Variants in SH3RF2 observed in about 807,000 individuals in gnomAD.
SH3RF2 encodes E3 ubiquitin-protein ligase SH3RF2.
In SH3RF2, 43 loss-of-function variants were observed where a neutral mutation model predicts 59.0. That is an observed-to-expected ratio of 0.73 (90% confidence interval 0.57 to 0.94). SH3RF2 has a LOEUF of 0.94. SH3RF2 is among the 40% of genes least tolerant of loss of function. The probability of loss-of-function intolerance (pLI) is 0.00; values close to 1 mark genes in which losing one functional copy is unlikely to be tolerated. For synonymous variants in SH3RF2, 391 were observed against 391.5 expected, an observed-to-expected ratio of 1.00 and a Z score of 0.01; for missense variants, 930 against 940.1, an observed-to-expected ratio of 0.99 and a Z score of 0.14.
chr5:145,970,514 T>C (rs1379975003), intron 2 of SH3RF2, among the ~76,000 whole-genome samples: 1 of 152,226 alleles, frequency 6.6e-6, no homozygotes, highest in Non-Finnish European at 1.5e-5. Flanking sequence ...CTTTATCCAG[T>C]CATTGGTTGA....
intron 2 of SH3RF2, among the ~76,000 whole-genome samples, chr5:145,998,976 T>C (rs1289649467): frequency 6.6e-6 from 1 of 152,124 alleles, no homozygotes; most frequent in Non-Finnish European, 1.5e-5. Flanking sequence ...TGCAATAGCA[T>C]TATGCCTAAA....
chr5:145,995,289 A>C (rs184931773), intron 2 of SH3RF2, among the ~76,000 whole-genome samples: 75 of 152,354 alleles, frequency 4.9e-4, no homozygotes, highest in African/African-American at 1.7e-3. Context: ...TAATCACCAG[A>C]AAGGCTAAAA....
intron 4 of SH3RF2, among the ~76,000 whole-genome samples, chr5:146,004,380 T>G (rs923154991): frequency 6.6e-6 from 1 of 152,238 alleles, no homozygotes; most frequent in African/African-American, 2.4e-5. Flanking sequence ...ATCTCTCATA[T>G]GCAAACTCAA....
rs17212359 is a variant in SH3RF2, at chr5:146,063,009, C to T, written c.*308C>T. ...ATGGAGTATGTGGCCTCTTGTCATC[C>T]CCGTGTTACTGTGTAGAATTTCTAT... On this transcript the variant is annotated 3_prime_UTR_variant, in exon 10 of 10. Transcript: ENST00000359120. 125,503 of 377,426 alleles carry T rather than the reference C, an allele frequency of 0.33. 22,958 individuals are homozygous for T. The highest frequency in any genetic ancestry group is 0.39 in the Non-Finnish European group (80,520 of 207,228). The allele number at this position is 377,426 out of a possible 1,614,324, so 23.4% of individuals were successfully genotyped here.
intron 7 of SH3RF2, among the ~76,000 whole-genome samples, chr5:146,050,998 G>A (rs1762476697): frequency 6.6e-6 from 1 of 152,230 alleles, no homozygotes; most frequent in African/African-American, 2.4e-5. Flanking sequence ...ACTTTGGGAG[G>A]CTGAGGTGGG....
chr5:145,956,370 G>A (rs1456661887), intron 2 of SH3RF2, among the ~76,000 whole-genome samples: 1 of 152,148 alleles, frequency 6.6e-6, no homozygotes, highest in Non-Finnish European at 1.5e-5. Flanking sequence ...CCACCTCCCA[G>A]GTTCAAGCAA....
rs1349260319 is a variant in SH3RF2 at position 146,062,694 on chromosome 5, G to A, written c.2183G>A (p.Ser728Asn). The change falls in exon 10 of 10, where the codon AGC becomes AAC. Residue 728 changes from serine (S) to asparagine (N), a missense_variant. Transcript: ENST00000359120. ...TASGTQTVFP[S>N]K ...TCAGGCACGCAGACCGTGTTTCCCAGCAAATGAACCTACGGGTGGCTTTTC... is the reference window on the plus strand; with the variant it reads ...TCAGGCACGCAGACCGTGTTTCCCAACAAATGAACCTACGGGTGGCTTTTC... 3 of 1,612,398 alleles carry A rather than the reference G, an allele frequency of 1.9e-6. No homozygotes were observed. Among genetic ancestry groups the A allele is most frequent in the Middle Eastern group, 3.3e-4 (2 of 6,056 alleles).
downstream of SH3RF2, among the ~76,000 whole-genome samples, chr5:146,064,778 AGGAAGGAAGGAAGGAAGGAAG>A (rs1763041148): frequency 5.7e-4 from 6 of 10,534 alleles, no homozygotes; most frequent in African/African-American, 1.6e-3. Context: ...AAGGAAGGAA[AGGAAGGAAGGAAGGAAGGAAG>A]GAAGGAAGGA....
chr5:146,019,555 AT>A (rs1761231262), intron 5 of SH3RF2, among the ~76,000 whole-genome samples: 1 of 151,536 alleles, frequency 6.6e-6, no homozygotes. Flanking sequence ...ATGCCTCCAG[AT>A]TTTTTCTTTT....
chr5:146,009,362 C>T (rs1266911445), intron 4 of SH3RF2, among the ~76,000 whole-genome samples: 4 of 152,150 alleles, frequency 2.6e-5, no homozygotes, highest in African/African-American at 9.7e-5. Context: ...TTATCACCTT[C>T]TCCTTACATG....
At chr5:146,039,381 AG>A (rs1354808678) in intron 5 of SH3RF2, among the ~76,000 whole-genome samples, 1 of 152,188 alleles carries the variant, frequency 6.6e-6, no homozygotes, top group Non-Finnish European at 1.5e-5. Context: ...CCAATATATT[AG>A]AACTCCATAA....
exon 10 of SH3RF2, chr5:146,079,736 C>A (rs1490916467): frequency 2.9e-4 from 44 of 152,214 alleles, no homozygotes; most frequent in Admixed American, 2.9e-3. Flanking sequence ...GACTTCTTAG[C>A]CACACCCTTG....
intron 4 of SH3RF2, among the ~76,000 whole-genome samples, chr5:146,012,760 A>G (rs1318809781): frequency 6.6e-6 from 1 of 152,152 alleles, no homozygotes; most frequent in African/African-American, 2.4e-5. Context: ...GCTGTCAGTG[A>G]GTAGGGTACT....
At chr5:146,064,693 A>AG (rs1491474572), downstream of SH3RF2, among the ~76,000 whole-genome samples, 1 of 6,174 alleles carries the variant, frequency 1.6e-4, no homozygotes, top group Non-Finnish European at 4.6e-4. Context: ...AAAGAAAGAA[A>AG]GAAAGAAAGA....
intron 2 of SH3RF2, among the ~76,000 whole-genome samples, chr5:145,953,981 T>C (rs1162257674): frequency 6.6e-6 from 1 of 152,244 alleles, no homozygotes; most frequent in Non-Finnish European, 1.5e-5. Context: ...AGATTGATTC[T>C]ATGCCTTTGC....
intron 2 of SH3RF2, among the ~76,000 whole-genome samples, chr5:145,947,866 C>A (rs962417279): frequency 2.0e-5 from 3 of 152,122 alleles, no homozygotes; most frequent in Non-Finnish European, 4.4e-5. Context: ...TTTATGTAAA[C>A]CACATACTAC....
intron 2 of SH3RF2, among the ~76,000 whole-genome samples, chr5:145,974,592 A>G (rs1759213944): frequency 6.6e-6 from 1 of 152,346 alleles, no homozygotes; most frequent in Admixed American, 6.5e-5. Context: ...TTATTATGTA[A>G]TCTTTCTCCA....
At chr5:145,945,217 A>G (rs1205876767) in intron 2 of SH3RF2, among the ~76,000 whole-genome samples, 1 of 152,064 alleles carries the variant, frequency 6.6e-6, no homozygotes, top group East Asian at 1.9e-4. Flanking sequence ...AAATGTTAAG[A>G]TGTGAAAAAA....
chr5:146,064,646 GAA>G (rs34693802), downstream of SH3RF2, among the ~76,000 whole-genome samples: 13,392 of 41,686 alleles, frequency 0.32, 3,564 homozygotes, highest in South Asian at 0.67. Flanking sequence ...GAGAGAGAAA[GAA>G]AGAGAGAGAG....
Sources: gnomAD v4.1 joint callset for allele counts (sites outside exome capture counted in the v4.1 genomes callset) on GRCh38, gnomAD v4.1.1 for gene constraint, MANE v1.5 for transcripts, NCBI Gene and HGNC (gene_info 2026-07-23, HGNC 2026-07-21) for gene names.